Variants in LARGE1 observed in about 807,000 individuals in gnomAD.
LARGE1 encodes LARGE xylosyl- and glucuronyltransferase 1.
LARGE1 carries 43 observed loss-of-function variants against 87.6 expected under a neutral mutation model. The observed-to-expected ratio is 0.49, with a 90% CI of 0.38 to 0.63. The LOEUF (loss-of-function observed/expected upper bound fraction) is 0.63. LARGE1 is among the 30% of genes least tolerant of loss of function. The pLI, the probability that LARGE1 is intolerant of heterozygous loss-of-function variation, is 0.00. For synonymous variants in LARGE1, 434 were observed against 394.6 expected (o/e 1.10, Z -1.18); for missense variants, 802 against 1,000.2 (o/e 0.80, Z 2.67).
At chr22:33,539,404 G>A (rs1411827483) in intron 6 of LARGE1, among the ~76,000 whole-genome samples, 1 of 152,098 alleles carries the variant, frequency 6.6e-6, no homozygotes, top group Non-Finnish European at 1.5e-5. Context: ...TTTATTAAAG[G>A]AGCCAGTGGG....
chr22:33,774,100 G>A (rs1006770885), intron 1 of LARGE1, among the ~76,000 whole-genome samples: 2 of 151,736 alleles, frequency 1.3e-5, no homozygotes, highest in Admixed American at 6.6e-5. Flanking sequence ...GGGGCGGATG[G>A]AAAAAAACTC....
the LARGE1 span, among the ~76,000 whole-genome samples, chr22:33,114,891 A>G: frequency 6.6e-6 from 1 of 152,216 alleles, no homozygotes; most frequent in Non-Finnish European, 1.5e-5. Context: ...GTTCTATGCA[A>G]TGGCCAGAGT....
At chr22:33,844,920 A>G (rs768273334) in intron 1 of LARGE1, among the ~76,000 whole-genome samples, 3 of 151,928 alleles carry the variant, frequency 2.0e-5, no homozygotes, top group Non-Finnish European at 2.9e-5. Flanking sequence ...GGGTTTCTCC[A>G]TGTTGGTTAG....
intron 6 of LARGE1, among the ~76,000 whole-genome samples, chr22:33,446,123 T>G (rs1349479493): frequency 6.6e-6 from 1 of 152,204 alleles, no homozygotes; most frequent in Non-Finnish European, 1.5e-5. Context: ...TTAGTCAACA[T>G]GCCTATGTAA....
intron 6 of LARGE1, among the ~76,000 whole-genome samples, chr22:33,438,815 T>C (rs1384552158): frequency 6.6e-6 from 1 of 152,196 alleles, no homozygotes; most frequent in Non-Finnish European, 1.5e-5. Context: ...TGTGTATGAT[T>C]TGACCAAGGT....
At chr22:33,247,118 G>A (rs1464045081) in intron 11 of LARGE1, among the ~76,000 whole-genome samples, 2 of 149,640 alleles carry the variant, frequency 1.3e-5, no homozygotes, top group East Asian at 2.0e-4. Flanking sequence ...GTTAAGAAAA[G>A]GTCAGTGAAT....
chr22:33,784,088 C>G (rs1383827387), intron 1 of LARGE1, among the ~76,000 whole-genome samples: 1 of 152,194 alleles, frequency 6.6e-6, no homozygotes, highest in African/African-American at 2.4e-5. Flanking sequence ...AAAACCAACT[C>G]AGACTCCTCT....
chr22:33,090,722 CAT>C, the LARGE1 span, among the ~76,000 whole-genome samples: 1 of 152,258 alleles, frequency 6.6e-6, no homozygotes, highest in Non-Finnish European at 1.5e-5. Context: ...GTTCCTATTG[CAT>C]AGTTATTTCA....
At chr22:33,446,762 A>G (rs1006203507) in intron 6 of LARGE1, among the ~76,000 whole-genome samples, 1 of 152,204 alleles carries the variant, frequency 6.6e-6, no homozygotes, top group Non-Finnish European at 1.5e-5. Flanking sequence ...TGAAGGGAAC[A>G]GGCGGGCAGG....
chr22:33,831,749 T>TACACACACACAC (rs5845118), intron 1 of LARGE1, among the ~76,000 whole-genome samples: 170 of 146,858 alleles, frequency 1.2e-3, no homozygotes, highest in African/African-American at 3.9e-3. Context: ...CACATGCATG[T>TACACACACACAC]ACACACACAC....
chr22:33,128,256 T>C, the LARGE1 span, among the ~76,000 whole-genome samples: 2,685 of 152,322 alleles, frequency 0.018, 85 homozygotes, highest in African/African-American at 0.062. Context: ...GCTGGGTATA[T>C]ACCCAAAGGA....
intron 7 of LARGE1, among the ~76,000 whole-genome samples, chr22:33,409,543 C>A (rs1338131290): frequency 2.6e-5 from 4 of 152,138 alleles, no homozygotes; most frequent in Non-Finnish European, 5.9e-5. Context: ...CTTTTACCCA[C>A]TGAAGCATCC....
intron 11 of LARGE1, among the ~76,000 whole-genome samples, chr22:33,230,487 AAC>A (rs1257366808): frequency 6.6e-6 from 1 of 152,230 alleles, no homozygotes; most frequent in Non-Finnish European, 1.5e-5. Flanking sequence ...CAGAGAAAAA[AAC>A]AGTATTTATA....
At chr22:33,320,383 C>A (rs1286536956) in intron 10 of LARGE1, among the ~76,000 whole-genome samples, 1 of 152,200 alleles carries the variant, frequency 6.6e-6, no homozygotes, top group African/African-American at 2.4e-5. Context: ...CCAGATGGCA[C>A]CTGCTCTGTG....
chr22:33,721,120 G>C (rs568293063), intron 2 of LARGE1, among the ~76,000 whole-genome samples: 2 of 152,196 alleles, frequency 1.3e-5, no homozygotes, highest in Non-Finnish European at 2.9e-5. Context: ...CAACAAAACT[G>C]GGCTTTATCA....
intron 3 of LARGE1, among the ~76,000 whole-genome samples, chr22:33,631,577 G>A (rs1308935437): frequency 1.3e-5 from 2 of 152,180 alleles, no homozygotes; most frequent in Admixed American, 1.3e-4. Flanking sequence ...CCCACTGGAA[G>A]GTCCTCAGGG....
Position 33,637,477 on chromosome 22 carries a change from G to T in LARGE1, c.409-11151C>A, listed in dbSNP as rs947465139. ...TGTCTCCAAAGATCCCTTCCCCCTG[G>T]TTTTCATGCCGTGTAGCCTCTCCTA... On this transcript the variant is annotated intron_variant, in intron 3 of 14. Transcript: ENST00000397394. Among the ~76,000 whole-genome samples, 6 of 152,210 alleles carry T rather than the reference G, an allele frequency of 3.9e-5. No individual in the cohort carries two copies. The South Asian group carries it at 6.2e-4, about 16-fold the overall frequency.
At chr22:33,335,634 A>C (rs1938352031) in intron 10 of LARGE1, among the ~76,000 whole-genome samples, 1 of 152,094 alleles carries the variant, frequency 6.6e-6, no homozygotes, top group African/African-American at 2.4e-5. Context: ...CCTCCTACCA[A>C]TCTGGCTCCT....
intron 12 of LARGE1, among the ~76,000 whole-genome samples, chr22:33,293,362 T>C (rs1932863491): frequency 6.6e-6 from 1 of 152,208 alleles, no homozygotes; most frequent in Admixed American, 6.5e-5. Context: ...ATATTTTCAG[T>C]TTAATGATAA....
Sources: allele counts gnomAD v4.1 joint callset (sites outside exome capture counted in the v4.1 genomes callset), GRCh38; gene constraint gnomAD v4.1.1; transcripts MANE v1.5; gene names NCBI Gene and HGNC (gene_info 2026-07-23, HGNC 2026-07-21).